ANK1: variants seen among roughly 807,000 people sequenced by gnomAD.
The protein encoded by ANK1 is ankyrin-1.
A neutral mutation model predicts 210.4 loss-of-function variants in ANK1; 51 were observed. That is an observed-to-expected ratio of 0.24 (90% CI 0.19 to 0.31). The LOEUF is 0.31. ANK1 is among the 10% of genes least tolerant of loss of function. The pLI is 1.00. For missense variants in ANK1, 2,051 were observed against 2,504.4 expected (o/e 0.82, Z 3.86); for synonymous variants, 967 against 1,025.9 (o/e 0.94, Z 1.10).
At chr8:41,660,433 AC>A (rs1360073978) in intron 42 of ANK1, 1 of 469,376 alleles carries the variant, frequency 2.1e-6, no homozygotes, top group Non-Finnish European at 4.4e-6. Context: ...GCTGACTCCC[AC>A]CCCGAGGTAT....
chr8:41,702,201 G>A, intron 20 of ANK1, 57 bp from the exon 21 acceptor site: 1 of 1,444,920 alleles, frequency 6.9e-7, no homozygotes, highest in South Asian at 1.2e-5. Context: ...AGGAGGCGGG[G>A]CTGGCTCCCT....
chr8:41,796,980 T>C (rs537385070), intron 1 of ANK1, among the ~76,000 whole-genome samples: 16 of 152,234 alleles, frequency 1.1e-4, no homozygotes, highest in Admixed American at 7.2e-4. Flanking sequence ...TTTCTCTCCA[T>C]GAATTAACAA....
intron 6 of ANK1, 68 bp from the exon 7 acceptor site, chr8:41,724,622 G>A (rs1830207546): frequency 6.8e-7 from 1 of 1,464,308 alleles, no homozygotes; most frequent in African/African-American, 1.4e-5. Context: ...TCAGCCCTGG[G>A]ATGCAGGAAA....
In ANK1 at chr8:41,753,780, A is replaced by G. The variant is rs913931741; in HGVS notation, c.129+4256T>C. 5.7e-5 allele frequency among the ~76,000 whole-genome samples: 8 copies of G among 141,222 alleles called. No individual in the cohort carries two copies. In the Admixed American group the frequency reaches 5.8e-4, roughly 10 times the overall value. 92.6% of individuals were successfully genotyped at this position (141,222 alleles called of 152,430 possible). ...GCTGAGTGTTGTGACTCTCGCCCCT[A>G]CCTGTAAGCTCCAGCACAATCCCAG... is the stretch of plus-strand genomic sequence containing the variant. On this transcript the variant is annotated intron_variant, in intron 2 of 42. Transcript: ENST00000289734.
chr8:41,865,660 G>T (rs1055253161), intron 1 of ANK1, among the ~76,000 whole-genome samples: 1 of 151,862 alleles, frequency 6.6e-6, no homozygotes, highest in African/African-American at 2.4e-5. Context: ...ATGCCACCAT[G>T]CACTCAGCCA....
chr8:41,758,207 C>T (rs1022280731), intron 1 of ANK1, 70 bp from the exon 2 acceptor site: 4 of 1,360,540 alleles, frequency 2.9e-6, no homozygotes, highest in Non-Finnish European at 2.1e-6. Context: ...GTTCAAGTCC[C>T]AGGCCCCCGC....
At position 41,717,677 on chromosome 8, in the gene ANK1, G is replaced by A; in HGVS notation, c.1232C>T (p.Ala411Val). ...TESGLTPLHV[A>V]SFMGHLPIVK... ...GATGGGAAGGTGCCCCATGAAGGAG[G>A]CCACGTGGAGAGGTGTCAGGCCAGA... The change falls in exon 12 of 43, where the codon GCC (alanine) becomes GTC (valine). Residue 411 changes from alanine (A) to valine (V), a missense_variant. Transcript: ENST00000289734. 1 of 1,551,700 alleles carries A rather than the reference G, an allele frequency of 6.4e-7. No homozygotes were observed. The highest frequency in any genetic ancestry group is 8.7e-7 in the Non-Finnish European group (1 of 1,146,998).
chr8:41,751,140 T>C (rs1837611034), intron 2 of ANK1, among the ~76,000 whole-genome samples: 1 of 152,236 alleles, frequency 6.6e-6, no homozygotes. Context: ...GAAAGTATTT[T>C]TGTATTGCTA....
At chr8:41,675,458 T>C (rs1356911311) in intron 37 of ANK1, among the ~76,000 whole-genome samples, 2 of 152,182 alleles carry the variant, frequency 1.3e-5, no homozygotes, top group Non-Finnish European at 2.9e-5. Flanking sequence ...AACAACCACA[T>C]GAGGAAAATA....
At chr8:41,799,626 CA>C (rs886955419), upstream of ANK1, among the ~76,000 whole-genome samples, 3 of 152,260 alleles carry the variant, frequency 2.0e-5, no homozygotes, top group Non-Finnish European at 4.4e-5. Flanking sequence ...GTTCCTTGTG[CA>C]GTGCTTCCGG....
chr8:41,703,651 T>A (rs1044583932), intron 20 of ANK1, among the ~76,000 whole-genome samples: 1 of 150,856 alleles, frequency 6.6e-6, no homozygotes, highest in African/African-American at 2.4e-5. Flanking sequence ...CACACCCACA[T>A]AATTAAAAAA....
rs567161314 is a variant in ANK1 at position 41,709,048 on chromosome 8, G to T, written c.1801-73C>A. 3.8e-6 allele frequency: 6 copies of T among 1,581,502 alleles called. No homozygotes were observed. In the African/African-American group the frequency reaches 8.1e-5, roughly 21 times the overall value. ...TGACAATATCAACACACAAGCAGGG[G>T]CTGAGTCTGGTTCTTGGCCGGCTGG... On this transcript the variant is annotated intron_variant, in intron 16 of 42. Coordinates refer to ENST00000289734, the MANE Select transcript of ANK1 (RefSeq NM_000037.4).
In ANK1 at chr8:41,708,841, C is replaced by T. The variant is rs1825395131; in HGVS notation, c.1935G>A (p.Glu645=). Residue 645 remains glutamate, a synonymous_variant, in exon 17 of 43, where the codon GAG becomes GAA. Transcript: ENST00000289734. ...GVTPLHLAAQ[E]GHAEMVALLL... ...GCAGAGCCACCATCTCTGCGTGGCC[C>T]TCCTGGGCGGCCAGGTGAAGGGGCG... 1.2e-6 allele frequency: 2 copies of T among 1,613,974 alleles called. No homozygotes were observed. Among genetic ancestry groups the T allele is most frequent in the Admixed American group, 1.7e-5 (1 of 60,004 alleles).
chr8:41,706,046 C>T, intron 18 of ANK1, 97 bp downstream of exon 18: 2 of 1,181,348 alleles, frequency 1.7e-6, no homozygotes, highest in Non-Finnish European at 2.5e-6. Flanking sequence ...AAGAATGTCC[C>T]ACTGGGTCTT....
chr8:41,798,442 C>A (rs900728474), upstream of ANK1, among the ~76,000 whole-genome samples: 50 of 152,338 alleles, frequency 3.3e-4, no homozygotes, highest in African/African-American at 1.2e-3. Context: ...GGCGCCCAGG[C>A]GGTCCCGCAG....
At position 41,882,221 on chromosome 8, in the gene ANK1, G is replaced by A. The variant is rs533485793; in HGVS notation, c.126+14134C>T. The stretch of plus-strand genomic sequence containing the variant: ...TCAATGACATAATGCCCTGGGAAGC[G>A]CCTGGTGAGCCACTGAGCTCCATGT... On this transcript the variant is annotated intron_variant, in intron 1 of 42. Transcript: ENST00000265709. Among the ~76,000 whole-genome samples the A allele has an allele frequency of 9.2e-5, 14 of 152,180 alleles. No individual in the cohort carries two copies. The East Asian group carries it at 1.2e-3, about 13-fold the overall frequency.
chr8:41,716,904 TG>T lies in ANK1; in HGVS notation c.1404+48del, dbSNP rs780947126. 2.1e-5 allele frequency: 33 copies of T among 1,576,648 alleles called. No homozygotes were observed. The East Asian group carries it at 7.2e-4, about 34-fold the overall frequency. ...TGAGGATGGGTTCTCTGCACAGTGC[TG>T]GAACTGCTCACATCTGAAACCCTTC... On this transcript the variant is annotated intron_variant, in intron 13 of 42. Coordinates refer to ENST00000289734, the MANE Select transcript of ANK1 (RefSeq NM_000037.4).
chr8:41,714,073 G>A, intron 16 of ANK1, 83 bp downstream of exon 16: 1 of 1,045,300 alleles, frequency 9.6e-7, no homozygotes, highest in Non-Finnish European at 1.3e-6. Context: ...TTGGGCTGCT[G>A]TGGAAACCCC....
intron 1 of ANK1, among the ~76,000 whole-genome samples, chr8:41,809,299 T>C (rs1802117632): frequency 6.6e-6 from 1 of 152,226 alleles, no homozygotes; most frequent in Non-Finnish European, 1.5e-5. Flanking sequence ...CTACACCAAA[T>C]GCGCAGCTCT....
Sources: allele counts gnomAD v4.1 joint callset (sites outside exome capture counted in the v4.1 genomes callset), GRCh38; gene constraint gnomAD v4.1.1; transcripts MANE v1.5; gene names NCBI Gene and HGNC (gene_info 2026-07-23, HGNC 2026-07-21).